TTC3: variants seen among roughly 807,000 people sequenced by gnomAD.
TTC3 encodes E3 ubiquitin-protein ligase TTC3.
In TTC3, 180 loss-of-function variants were observed where a neutral mutation model predicts 249.6. The ratio of observed to expected loss-of-function variants is 0.72; its 90% CI spans 0.64 to 0.82. The LOEUF (loss-of-function observed/expected upper bound fraction) is 0.82, where lower values mean the gene tolerates loss of function less well. TTC3 is among the 40% of genes least tolerant of loss of function. TTC3 has a pLI of 0.00. For missense variants in TTC3, 2,061 were observed against 2,398.4 expected (o/e 0.86, Z 2.94); for synonymous variants, 717 against 805.0 (o/e 0.89, Z 1.85).
At chr21:37,096,204 C>A (rs549130294) in intron 9 of TTC3, among the ~76,000 whole-genome samples, 1 of 152,332 alleles carries the variant, frequency 6.6e-6, no homozygotes, top group African/African-American at 2.4e-5. Context: ...CTGTAGGCTT[C>A]CTTTCTCAGT....
chr21:37,095,489 C>G, intron 9 of TTC3, 45 bp downstream of exon 9: 2 of 1,266,738 alleles, frequency 1.6e-6, no homozygotes, highest in Non-Finnish European at 2.2e-6. Context: ...TATGGCACAT[C>G]AAGTTAGAAT....
In TTC3 at chr21:37,150,903, A is replaced by G. The variant is rs757725434; in HGVS notation, c.2276+19A>G. The G allele has an allele frequency of 1.2e-5, 18 of 1,548,642 alleles. No individual in the cohort carries two copies. Among genetic ancestry groups the G allele is most frequent in the Admixed American group, 5.2e-5 (3 of 57,566 alleles). Reference sequence around the variant, plus strand: ...GTTCTAGGTAAGATTTTTAACAATCAATCAGTGGTTTGATGATGTCTCTTA... The same window carrying G: ...GTTCTAGGTAAGATTTTTAACAATCGATCAGTGGTTTGATGATGTCTCTTA... On this transcript the variant is annotated intron_variant, in intron 25 of 45. Coordinates refer to ENST00000355666, the Ensembl canonical transcript of TTC3.
intron 39 of TTC3, among the ~76,000 whole-genome samples, 190 bp from the exon 40 acceptor site, chr21:37,191,141 TTAA>T (rs1473703146): frequency 6.6e-6 from 1 of 152,158 alleles, no homozygotes; most frequent in Non-Finnish European, 1.5e-5. Flanking sequence ...TTTTGTTATA[TTAA>T]TAATTAAAAT....
intron 10 of TTC3, among the ~76,000 whole-genome samples, chr21:37,103,519 T>C (rs1346577078): frequency 1.3e-5 from 2 of 152,316 alleles, no homozygotes; most frequent in African/African-American, 4.8e-5. Flanking sequence ...TTTGCCTTAG[T>C]TGTAGGATGT....
At chr21:37,105,083 A>G (rs1045720064) in intron 10 of TTC3, among the ~76,000 whole-genome samples, 9 of 152,214 alleles carry the variant, frequency 5.9e-5, no homozygotes, top group African/African-American at 2.2e-4. Context: ...AGAAGTAAGT[A>G]AAAGAGTGGT....
At chr21:37,105,552 A>G (rs2074999206) in intron 10 of TTC3, among the ~76,000 whole-genome samples, 1 of 152,128 alleles carries the variant, frequency 6.6e-6, no homozygotes, top group African/African-American at 2.4e-5. Flanking sequence ...AAAGTATACA[A>G]GTGTTAAGTG....
At chr21:37,135,349 AG>A in intron 17 of TTC3, 30 bp from the exon 18 acceptor site, 3 of 1,583,954 alleles carry the variant, frequency 1.9e-6, no homozygotes, top group Non-Finnish European at 1.7e-6. Flanking sequence ...GTGTAGATTC[AG>A]GTTACTGAAA....
intron 34 of TTC3, among the ~76,000 whole-genome samples, chr21:37,171,321 T>C (rs779636270): frequency 4.6e-5 from 7 of 152,250 alleles, no homozygotes; most frequent in Non-Finnish European, 8.8e-5. Context: ...GATGCTAGTA[T>C]AGGTGATTGC....
At chr21:37,168,996 T>G (rs2081491417) in intron 34 of TTC3, among the ~76,000 whole-genome samples, 1 of 152,176 alleles carries the variant, frequency 6.6e-6, no homozygotes, top group Non-Finnish European at 1.5e-5. Context: ...CACCTAGCCC[T>G]GCTTGACCTC....
At chr21:37,191,027 T>C (rs1329505442) in intron 39 of TTC3, among the ~76,000 whole-genome samples, 4 of 152,222 alleles carry the variant, frequency 2.6e-5, no homozygotes, top group Non-Finnish European at 4.4e-5. Context: ...GTCTTTAATA[T>C]TAAACATAAA....
chr21:37,080,734 A>G lies in TTC3; in HGVS notation c.-11-6513A>G, dbSNP rs189769341. ...CTCTAAGTTTGCTTCTTTGTCTTAG[A>G]GGCTTTTTGTCTGATCCCGTCTTTC... is the stretch of plus-strand genomic sequence containing the variant. On this transcript the variant is annotated intron_variant, in intron 1 of 45. Transcript: ENST00000355666. 1.0e-3 allele frequency among the ~76,000 whole-genome samples: 159 copies of G among 152,156 alleles called. 2 individuals are homozygous for G. Among genetic ancestry groups the G allele is most frequent in the Non-Finnish European group, 1.0e-4 (7 of 68,008 alleles).
intron 18 of TTC3, among the ~76,000 whole-genome samples, chr21:37,137,986 A>G (rs2062506500): frequency 6.6e-6 from 1 of 152,210 alleles, no homozygotes; most frequent in African/African-American, 2.4e-5. Flanking sequence ...TACCTGTGTA[A>G]CAAACCTGCA....
Position 37,197,706 on chromosome 21 carries a change from C to A in TTC3, c.5706+10C>A, listed in dbSNP as rs187134782. On this transcript the variant is annotated intron_variant, in intron 43 of 45. Transcript: ENST00000355666. ...ACAGAAAAAGAAAAAGGTATTTTAT[C>A]TAGATGTTCCAGTTTATCCTTATTT... 40 of 1,585,370 alleles carry A rather than the reference C, an allele frequency of 2.5e-5. No individual in the cohort carries two copies. The highest frequency in any genetic ancestry group is 3.4e-5 in the Non-Finnish European group (40 of 1,166,998).
intron 44 of TTC3, among the ~76,000 whole-genome samples, chr21:37,199,437 G>A (rs1378904832): frequency 1.3e-5 from 2 of 152,210 alleles, no homozygotes; most frequent in East Asian, 3.9e-4. Flanking sequence ...GGAGTCCCAG[G>A]CGACACTCAG....
At chr21:37,106,418 T>A (rs1457097544) in intron 10 of TTC3, among the ~76,000 whole-genome samples, 1 of 152,238 alleles carries the variant, frequency 6.6e-6, no homozygotes, top group Non-Finnish European at 1.5e-5. Context: ...TAGTACAGTT[T>A]ATCAGTTTTT....
chr21:37,177,601 A>G (rs1316386688), intron 35 of TTC3, among the ~76,000 whole-genome samples: 1 of 151,934 alleles, frequency 6.6e-6, no homozygotes, highest in African/African-American at 2.4e-5. Flanking sequence ...TTGTCATTCG[A>G]TTTCTCACTT....
intron 21 of TTC3, among the ~76,000 whole-genome samples, chr21:37,146,580 T>G (rs1402848081): frequency 3.3e-5 from 5 of 152,046 alleles, no homozygotes; most frequent in African/African-American, 1.2e-4. Flanking sequence ...AACATTATGC[T>G]AAGTAAAAGA....
At chr21:37,117,835 CA>C (rs60664616) in intron 11 of TTC3, among the ~76,000 whole-genome samples, 4,597 of 73,400 alleles carry the variant, frequency 0.063, 62 homozygotes, top group Middle Eastern at 0.12. Context: ...TGCGCCACTT[CA>C]AAAAAAAAAA....
At chr21:37,086,368 G>A (rs1250409042) in intron 1 of TTC3, 2 of 152,088 alleles carry the variant, frequency 1.3e-5, no homozygotes, top group Non-Finnish European at 2.9e-5. Context: ...ATAAAATGGT[G>A]CATTTTTCAG....
Sources: allele counts gnomAD v4.1 joint callset (sites outside exome capture counted in the v4.1 genomes callset), GRCh38; gene constraint gnomAD v4.1.1; transcripts MANE v1.5; gene names NCBI Gene and HGNC (gene_info 2026-07-23, HGNC 2026-07-21).